ANO3: variants seen among roughly 807,000 people sequenced by gnomAD.
ANO3 encodes the protein anoctamin 3.
A neutral mutation model predicts 144.8 loss-of-function variants in ANO3; 99 were observed. That is an observed-to-expected ratio of 0.68 (90% confidence interval 0.58 to 0.81). ANO3 has a LOEUF of 0.81. Among genes scored for constraint, ANO3 ranks in the 30% least tolerant of loss-of-function variants. The probability of loss-of-function intolerance (pLI) is 0.00; values close to 1 mark genes in which losing one functional copy is unlikely to be tolerated. For missense variants in ANO3, 905 were observed against 1,202.2 expected (o/e 0.75, Z 3.66); for synonymous variants, 414 against 392.6 (o/e 1.05, Z -0.64).
At chr11:26,239,515 A>G (rs968961806) in intron 1 of ANO3, among the ~76,000 whole-genome samples, 2 of 152,164 alleles carry the variant, frequency 1.3e-5, no homozygotes, top group African/African-American at 4.8e-5. Flanking sequence ...GCCCCTTCCA[A>G]CAACACAGGT....
At position 26,195,558 on chromosome 11, in the gene ANO3, C is replaced by T. The variant is rs190352833; in HGVS notation, c.154+6228C>T. Among the ~76,000 whole-genome samples, 8 of 152,256 alleles carry T rather than the reference C, an allele frequency of 5.3e-5. No individual in the cohort carries two copies. The East Asian group carries it at 1.5e-3, about 29-fold the overall frequency. On this transcript the variant is annotated intron_variant, in intron 1 of 27. Coordinates refer to the ANO3 transcript ENST00000672621. ...AGTAACAATAACAATCATGCATTATCTAGACCAAAGTGACTAAGTTGTAGA... is the reference window on the plus strand; with the variant it reads ...AGTAACAATAACAATCATGCATTATTTAGACCAAAGTGACTAAGTTGTAGA...
At chr11:26,239,323 T>C (rs1852605015) in intron 1 of ANO3, among the ~76,000 whole-genome samples, 1 of 152,152 alleles carries the variant, frequency 6.6e-6, no homozygotes, top group Non-Finnish European at 1.5e-5. Context: ...CTTCATCGCA[T>C]TGGAGAAAGA....
At position 26,477,491 on chromosome 11, in the gene ANO3, G is replaced by C. The variant is rs766458959; in HGVS notation, c.432+14343G>C. Among the ~76,000 whole-genome samples the C allele has an allele frequency of 2.0e-5, 3 of 152,076 alleles. No homozygotes were observed. In the South Asian group the frequency reaches 6.2e-4, roughly 31 times the overall value. On this transcript the variant is annotated intron_variant, in intron 4 of 26. Transcript: ENST00000256737. Reference sequence around the variant, plus strand: ...AAGGCTTTTTCTCTTTCTCAAGACAGTTACTTCATCTTTGCTCTCATAGCA... The same window carrying C: ...AAGGCTTTTTCTCTTTCTCAAGACACTTACTTCATCTTTGCTCTCATAGCA...
intron 12 of ANO3, among the ~76,000 whole-genome samples, chr11:26,552,903 G>A (rs1849972732): frequency 1.4e-5 from 2 of 141,412 alleles, no homozygotes; most frequent in Admixed American, 7.2e-5. Context: ...AAGCCTGCGA[G>A]TTTGGCTAAA....
At chr11:26,602,624 C>T (rs1367228031) in intron 17 of ANO3, among the ~76,000 whole-genome samples, 2 of 146,492 alleles carry the variant, frequency 1.4e-5, no homozygotes, top group Admixed American at 1.4e-4. Context: ...TGGTGGTGCA[C>T]ACCTGTAGTC....
At chr11:26,416,043 A>G (rs541775180) in intron 1 of ANO3, among the ~76,000 whole-genome samples, 1 of 152,184 alleles carries the variant, frequency 6.6e-6, no homozygotes, top group East Asian at 1.9e-4. Context: ...TTTAGTCATT[A>G]GCAATTGTTT....
chr11:26,365,285 TC>T (rs1160789404), intron 1 of ANO3, among the ~76,000 whole-genome samples: 1 of 152,186 alleles, frequency 6.6e-6, no homozygotes, highest in Non-Finnish European at 1.5e-5. Flanking sequence ...AAGACTGCTC[TC>T]ATAGGTTGTT....
At chr11:26,316,643 A>G (rs1032943522) in intron 1 of ANO3, among the ~76,000 whole-genome samples, 1 of 152,206 alleles carries the variant, frequency 6.6e-6, no homozygotes, top group Admixed American at 6.5e-5. Context: ...AAAGAGACCT[A>G]CAAGAGCCGT....
chr11:26,414,805 G>C (rs1857533240), intron 1 of ANO3, among the ~76,000 whole-genome samples: 1 of 150,922 alleles, frequency 6.6e-6, no homozygotes, highest in Non-Finnish European at 1.5e-5. Context: ...TCCGGTGCTA[G>C]AGCAATCCCT....
At chr11:26,417,751 G>T (rs1462937272) in intron 1 of ANO3, among the ~76,000 whole-genome samples, 2 of 151,902 alleles carry the variant, frequency 1.3e-5, no homozygotes, top group East Asian at 3.9e-4. Context: ...CAAACAATAT[G>T]AAATTAAAAC....
At chr11:26,568,410 T>C (rs545138000) in intron 14 of ANO3, among the ~76,000 whole-genome samples, 1 of 151,698 alleles carries the variant, frequency 6.6e-6, no homozygotes, top group South Asian at 2.1e-4. Flanking sequence ...GTTTGTAACA[T>C]AAGTTGCAAA....
rs1003007655 is a variant in ANO3, at chr11:26,613,468, C to T, written c.1837-10994C>T. On this transcript the variant is annotated intron_variant, in intron 17 of 26. Coordinates refer to ENST00000256737, the MANE Select transcript of ANO3 (RefSeq NM_031418.4). ...TTTCTTAAGATCATTATTTACAATG[C>T]TTTTTTAGGAATTTCATAAATTTTC... 4.6e-5 allele frequency among the ~76,000 whole-genome samples: 7 copies of T among 152,018 alleles called. No individual in the cohort carries two copies. In the East Asian group the frequency reaches 1.3e-3, roughly 29 times the overall value.
chr11:26,425,798 A>G (rs1443464423), intron 1 of ANO3, among the ~76,000 whole-genome samples: 1 of 152,110 alleles, frequency 6.6e-6, no homozygotes, highest in Non-Finnish European at 1.5e-5. Flanking sequence ...TGTTTTATCC[A>G]CAATTGCTAT....
intron 4 of ANO3, among the ~76,000 whole-genome samples, chr11:26,477,864 T>C (rs978518505): frequency 6.6e-6 from 1 of 152,168 alleles, no homozygotes; most frequent in African/African-American, 2.4e-5. Context: ...TTATAAGGAT[T>C]TGTGTTAATA....
upstream of ANO3, among the ~76,000 whole-genome samples, chr11:26,329,022 T>A (rs1189404126): frequency 6.6e-6 from 1 of 152,004 alleles, no homozygotes; most frequent in Non-Finnish European, 1.5e-5. Context: ...CACTAAACAT[T>A]ATATAAAATA....
chr11:26,211,612 G>A (rs1851934641), intron 1 of ANO3, among the ~76,000 whole-genome samples: 1 of 152,034 alleles, frequency 6.6e-6, no homozygotes, highest in Non-Finnish European at 1.5e-5. Flanking sequence ...CAATGTTGGT[G>A]GGCGTGTAAA....
Position 26,641,988 on chromosome 11 carries a change from C to G in ANO3, c.2234C>G (p.Pro745Arg), listed in dbSNP as rs1853169899. The stretch of plus-strand genomic sequence containing the variant: ...TGGGAAAATGATTGGAATCTGCAGC[C>G]CATGAACCTTCATGGACTGATGGAT... ...PQWENDWNLQ[P>R]MNLHGLMDEY... is the part of the protein sequence containing the mutation. Residue 745 changes from proline to arginine, a missense_variant, in exon 22 of 27, where the codon CCC (proline) becomes CGC (arginine). Physicochemically the swap from Pro to Arg is moderately radical, Grantham distance 103. Transcript: ENST00000256737. 4 of 1,613,762 alleles carry G rather than the reference C, an allele frequency of 2.5e-6. No homozygotes were observed. Among genetic ancestry groups the G allele is most frequent in the Admixed American group, 3.3e-5 (2 of 59,970 alleles).
chr11:26,357,442 T>A (rs1021117570), intron 1 of ANO3, among the ~76,000 whole-genome samples: 1 of 152,188 alleles, frequency 6.6e-6, no homozygotes, highest in Admixed American at 6.5e-5. Flanking sequence ...TGGTTTTTAT[T>A]TGAATTTTCC....
Position 26,476,279 on chromosome 11 carries a change from G to A in ANO3, c.432+13131G>A, listed in dbSNP as rs534412333. On this transcript the variant is annotated intron_variant, in intron 4 of 26. Coordinates refer to ENST00000256737, the MANE Select transcript of ANO3 (RefSeq NM_031418.4). ...TTATCTATTTGAAGTTGTCCTAAGT[G>A]GGTGCAGGGTAGAAGGGGAGTTACT... 6.6e-5 allele frequency among the ~76,000 whole-genome samples: 10 copies of A among 152,170 alleles called. No individual in the cohort carries two copies. In the South Asian group the frequency reaches 2.1e-3, roughly 32 times the overall value.
Sources: allele counts gnomAD v4.1 joint callset (sites outside exome capture counted in the v4.1 genomes callset), GRCh38; gene constraint gnomAD v4.1.1; transcripts MANE v1.5; gene names NCBI Gene and HGNC (gene_info 2026-07-23, HGNC 2026-07-21).